ARSK: variants seen among roughly 807,000 people sequenced by gnomAD.
The protein encoded by ARSK is arylsulfatase K.
Under a neutral mutation model 53.2 loss-of-function variants are expected in ARSK, and 37 were observed. The ratio of observed to expected loss-of-function variants is 0.70; its 90% CI spans 0.54 to 0.92. The LOEUF is 0.92. ARSK is among the 40% of genes least tolerant of loss of function. ARSK has a pLI of 0.00. For synonymous variants in ARSK, 208 were observed against 223.2 expected, an observed-to-expected ratio of 0.93 and a Z score of 0.61; for missense variants, 613 against 643.0, an observed-to-expected ratio of 0.95 and a Z score of 0.51.
intron 7 of ARSK, 48 bp from the exon 8 acceptor site, chr5:95,603,189 T>A (rs1203561040): frequency 2.8e-6 from 4 of 1,446,472 alleles, no homozygotes; most frequent in African/African-American, 1.4e-5. Flanking sequence ...TCTAAAAAAA[T>A]TTTTAGCAGG....
intron 6 of ARSK, among the ~76,000 whole-genome samples, chr5:95,599,330 C>G (rs1185828248): frequency 6.6e-6 from 1 of 152,138 alleles, no homozygotes; most frequent in Non-Finnish European, 1.5e-5. Flanking sequence ...ATGCTGAGTA[C>G]AAGAACTTGC....
chr5:95,596,690 T>G (rs1465394216), intron 6 of ARSK, among the ~76,000 whole-genome samples: 1 of 152,152 alleles, frequency 6.6e-6, no homozygotes, highest in African/African-American at 2.4e-5. Flanking sequence ...AAAAGATGGT[T>G]ATTCTACCTT....
At position 95,600,838 on chromosome 5, in the gene ARSK, G is replaced by A. The variant is rs567319296; in HGVS notation, c.1097-9G>A. ...TATTTTAAGATATTTGGTTATTTTTGTTACATAGATATTGCTGGAATTCCT... is the reference window on the plus strand; with the variant it reads ...TATTTTAAGATATTTGGTTATTTTTATTACATAGATATTGCTGGAATTCCT... On this transcript the variant is annotated splice_polypyrimidine_tract_variant and intron_variant, in intron 6 of 7. Transcript: ENST00000380009. 1.7e-4 allele frequency: 271 copies of A among 1,605,648 alleles called. No individual in the cohort carries two copies. The highest frequency in any genetic ancestry group is 2.1e-4 in the Non-Finnish European group (252 of 1,172,806).
At chr5:95,591,023 A>G (rs1486763392) in intron 5 of ARSK, among the ~76,000 whole-genome samples, 3 of 152,102 alleles carry the variant, frequency 2.0e-5, no homozygotes, top group Non-Finnish European at 4.4e-5. Context: ...GGTGATACCA[A>G]TCTTTTTATC....
At chr5:95,589,711 CT>C (rs1288199575) in intron 5 of ARSK, among the ~76,000 whole-genome samples, 1 of 152,150 alleles carries the variant, frequency 6.6e-6, no homozygotes, top group African/African-American at 2.4e-5. Flanking sequence ...CATGTCTTTG[CT>C]ATTGTGAATA....
At chr5:95,578,530 G>A (rs1407034873) in intron 3 of ARSK, among the ~76,000 whole-genome samples, 1 of 152,024 alleles carries the variant, frequency 6.6e-6, no homozygotes, top group East Asian at 1.9e-4. Context: ...TCGATACAGA[G>A]ATTTGCAAGG....
intron 1 of ARSK, among the ~76,000 whole-genome samples, chr5:95,564,413 A>T (rs571422918): frequency 2.0e-5 from 3 of 152,260 alleles, no homozygotes; most frequent in Non-Finnish European, 4.4e-5. Context: ...TCCCCATCTT[A>T]AAAAAAGAAC....
chr5:95,601,486 A>G (rs1438465340), intron 7 of ARSK, among the ~76,000 whole-genome samples: 3 of 152,218 alleles, frequency 2.0e-5, no homozygotes, highest in Admixed American at 2.0e-4. Flanking sequence ...CTCATTTTAC[A>G]GAGGAGTCTA....
rs766790528 is a variant in ARSK at position 95,566,123 on chromosome 5, C to T, written c.252C>T (p.Arg84=). 1.1e-5 allele frequency: 18 copies of T among 1,612,924 alleles called. No individual in the cohort carries two copies. Among genetic ancestry groups the T allele is most frequent in the Middle Eastern group, 1.6e-4 (1 of 6,078 alleles). ...YTNSPICCPS[R]AAMWSGLFTH... is the part of the protein sequence containing the mutation. ...ACTCTCCAATTTGTTGCCCATCACG[C>T]GCAGGTATGAACATCCTTAATATGA... Residue 84 remains arginine (R), a synonymous_variant, in exon 2 of 8, where the codon CGC becomes CGT. Coordinates refer to ENST00000380009, the MANE Select transcript of ARSK (RefSeq NM_198150.3).
chr5:95,578,657 A>G (rs1369940613), intron 3 of ARSK, among the ~76,000 whole-genome samples: 1 of 152,228 alleles, frequency 6.6e-6, no homozygotes, highest in Non-Finnish European at 1.5e-5. Flanking sequence ...ACAGAATTCT[A>G]AGTCTGAGAT....
chr5:95,555,450 G>T lies in ARSK; in HGVS notation c.126+46G>T. The T allele has an allele frequency of 6.4e-7, 1 of 1,557,952 alleles. No homozygotes were observed. Among genetic ancestry groups the T allele is most frequent in the Non-Finnish European group, 8.7e-7 (1 of 1,149,284 alleles). ...GAGGGGCGCCCCGCTGGGGATCGGCGACCTCACCGCCGCCGCCTGTGCTGC... is the reference window on the plus strand; with the variant it reads ...GAGGGGCGCCCCGCTGGGGATCGGCTACCTCACCGCCGCCGCCTGTGCTGC... On this transcript the variant is annotated intron_variant, in intron 1 of 7. Transcript: ENST00000380009. This position sits in a 1 kb window ranked among gnomAD's most constrained non-coding sequence, Gnocchi z 4.0.
chr5:95,577,858 C>A (rs1748951877), intron 3 of ARSK, among the ~76,000 whole-genome samples: 1 of 151,972 alleles, frequency 6.6e-6, no homozygotes, highest in African/African-American at 2.4e-5. Flanking sequence ...TGATTTTAAT[C>A]ATATTTGCAA....
At position 95,577,015 on chromosome 5, in the gene ARSK, T is replaced by G. The variant is rs147046991; in HGVS notation, c.417-5901T>G. Among the ~76,000 whole-genome samples the G allele has an allele frequency of 3.5e-3, 537 of 152,330 alleles. 5 individuals are homozygous for G. The highest frequency in any genetic ancestry group is 0.012 in the African/African-American group (512 of 41,572). Reference sequence around the variant, plus strand: ...ACGTTAGGTGCCCATACCTGGCCAGTCGACAGGCTAGAAAGGGAGTTAAAT... The same window carrying G: ...ACGTTAGGTGCCCATACCTGGCCAGGCGACAGGCTAGAAAGGGAGTTAAAT... On this transcript the variant is annotated intron_variant, in intron 3 of 7. Coordinates refer to ENST00000380009, the MANE Select transcript of ARSK (RefSeq NM_198150.3).
intron 1 of ARSK, 133 bp from the exon 2 acceptor site, chr5:95,565,860 ATACTT>A: frequency 1.3e-6 from 1 of 786,812 alleles, no homozygotes; most frequent in Non-Finnish European, 1.9e-6. Context: ...AACACCCTCT[ATACTT>A]GTTTTGTTTT....
At chr5:95,560,506 A>G (rs182999264) in intron 1 of ARSK, among the ~76,000 whole-genome samples, 136 of 152,326 alleles carry the variant, frequency 8.9e-4, no homozygotes, top group African/African-American at 3.2e-3. Context: ...CATACAGATC[A>G]ATGGAATAGG....
At chr5:95,575,540 C>G (rs1399191315) in intron 3 of ARSK, among the ~76,000 whole-genome samples, 1 of 152,130 alleles carries the variant, frequency 6.6e-6, no homozygotes, top group Non-Finnish European at 1.5e-5. Flanking sequence ...TATGTCTTCT[C>G]AATTGCTTTC....
rs1189533028 is a variant in ARSK at position 95,601,036 on chromosome 5, A to G, written c.1286A>G (p.Tyr429Cys). The change falls in exon 7 of 8, where the codon TAT (tyrosine) becomes TGT (cysteine). Residue 429 changes from tyrosine to cysteine, a missense_variant. Tyr to Cys is a radical substitution (Grantham distance 194). Transcript: ENST00000380009. ...ACTAACCACTGGAAATATATAGCCTATTCGGATGGTGCATCAATATTGCCT... is the reference window on the plus strand; with the variant it reads ...ACTAACCACTGGAAATATATAGCCTGTTCGGATGGTGCATCAATATTGCCT... The part of the protein sequence containing the change: ...LRTNHWKYIA[Y>C]SDGASILPQL... 1 of 1,614,018 alleles carries G rather than the reference A, an allele frequency of 6.2e-7. No homozygotes were observed. Among genetic ancestry groups the G allele is most frequent in the Non-Finnish European group, 8.5e-7 (1 of 1,179,866 alleles).
chr5:95,582,792 T>C (rs183976350), intron 3 of ARSK, 124 bp from the exon 4 acceptor site: 2 of 927,648 alleles, frequency 2.2e-6, no homozygotes, highest in Admixed American at 2.6e-5. Context: ...AATATAGTTA[T>C]TCTGAACATT....
chr5:95,565,918 A>G, intron 1 of ARSK, 80 bp from the exon 2 acceptor site: 1 of 1,298,206 alleles, frequency 7.7e-7, no homozygotes, highest in Non-Finnish European at 1.0e-6. Flanking sequence ...GTCTTCTGCT[A>G]TTGTAAATTT....
Sources: gnomAD v4.1 joint callset for allele counts (sites outside exome capture counted in the v4.1 genomes callset) on GRCh38, gnomAD v4.1.1 for gene constraint, Gnocchi (gnomAD v3.1) non-coding constraint, MANE v1.5 for transcripts, NCBI Gene and HGNC (gene_info 2026-07-23, HGNC 2026-07-21) for gene names.